The following SLC9A9 variants were observed in gnomAD, a reference collection of about 807,000 sequenced individuals.
SLC9A9 encodes the protein sodium/hydrogen exchanger 9.
Under a neutral mutation model 77.8 loss-of-function variants are expected in SLC9A9, and 62 were observed. The observed-to-expected ratio is 0.80, with a 90% confidence interval of 0.65 to 0.98. SLC9A9 has a LOEUF of 0.98. Among genes scored for constraint, SLC9A9 ranks in the 50% least tolerant of loss-of-function variants. The pLI is 0.00. For synonymous variants in SLC9A9, 320 were observed against 283.5 expected (o/e 1.13, Z -1.29); for missense variants, 775 against 774.9 (o/e 1.00, Z 0.00).
At chr3:143,803,922 C>T (rs898475102) in intron 2 of SLC9A9, among the ~76,000 whole-genome samples, 2 of 152,148 alleles carry the variant, frequency 1.3e-5, no homozygotes, top group Non-Finnish European at 2.9e-5. Flanking sequence ...CCAGCAAGAC[C>T]TCCCCAGACA....
chr3:143,379,305 GC>G (rs989938273), intron 13 of SLC9A9, among the ~76,000 whole-genome samples: 1 of 152,136 alleles, frequency 6.6e-6, no homozygotes, highest in African/African-American at 2.4e-5. Context: ...GTGTTGCCAG[GC>G]AAAATGAGAG....
chr3:143,555,326 A>G lies in SLC9A9; in HGVS notation c.1001-2876T>C, dbSNP rs544970893. ...GTCCATTAAACCTCTTTTTCTTTATAAATTATCCAGTCTTGAACATATCTT... is the reference window on the plus strand; with the variant it reads ...GTCCATTAAACCTCTTTTTCTTTATGAATTATCCAGTCTTGAACATATCTT... On this transcript the variant is annotated intron_variant, in intron 8 of 15. Transcript: ENST00000316549. 2.0e-5 allele frequency among the ~76,000 whole-genome samples: 3 copies of G among 152,312 alleles called. No homozygotes were observed. In the South Asian group the frequency reaches 6.2e-4, roughly 32 times the overall value.
At chr3:143,367,334 C>T (rs1018810120) in intron 13 of SLC9A9, among the ~76,000 whole-genome samples, 2 of 152,182 alleles carry the variant, frequency 1.3e-5, no homozygotes, top group Non-Finnish European at 2.9e-5. Context: ...TAGAATAAAA[C>T]ATCTGTGAAA....
At chr3:143,352,301 G>A (rs987424020) in intron 14 of SLC9A9, among the ~76,000 whole-genome samples, 3 of 152,166 alleles carry the variant, frequency 2.0e-5, no homozygotes, top group African/African-American at 7.2e-5. Context: ...AGTCTTTCCT[G>A]TTTGAGGTAT....
intron 8 of SLC9A9, among the ~76,000 whole-genome samples, chr3:143,562,696 C>T (rs950285263): frequency 1.3e-5 from 2 of 150,484 alleles, no homozygotes; most frequent in African/African-American, 4.9e-5. Context: ...TTTTCTTTCC[C>T]AATAAAAATA....
At chr3:143,677,788 T>A (rs955584509) in intron 5 of SLC9A9, among the ~76,000 whole-genome samples, 1 of 151,450 alleles carries the variant, frequency 6.6e-6, no homozygotes, top group Non-Finnish European at 1.5e-5. Flanking sequence ...GTGGAACAAG[T>A]GGATTTGTGT....
At chr3:143,406,927 G>A (rs2033992884) in intron 12 of SLC9A9, among the ~76,000 whole-genome samples, 1 of 148,044 alleles carries the variant, frequency 6.8e-6, no homozygotes, top group African/African-American at 2.5e-5. Flanking sequence ...AGCGAGCCAA[G>A]GTTGTGCCAC....
At chr3:143,441,762 C>G (rs1392285325) in intron 12 of SLC9A9, among the ~76,000 whole-genome samples, 2 of 152,086 alleles carry the variant, frequency 1.3e-5, no homozygotes, top group Non-Finnish European at 2.9e-5. Context: ...CCATCTCCGC[C>G]CTGTACTATC....
At chr3:143,383,589 C>T (rs1255746272) in intron 12 of SLC9A9, among the ~76,000 whole-genome samples, 1 of 152,200 alleles carries the variant, frequency 6.6e-6, no homozygotes, top group East Asian at 1.9e-4. Flanking sequence ...TGGGGATCTT[C>T]CCAGGGCCTT....
At chr3:143,593,267 C>A (rs1311862832) in intron 6 of SLC9A9, among the ~76,000 whole-genome samples, 1 of 152,160 alleles carries the variant, frequency 6.6e-6, no homozygotes, top group Non-Finnish European at 1.5e-5. Context: ...TTTCCCTCTA[C>A]TCCTTTTATA....
intron 9 of SLC9A9, among the ~76,000 whole-genome samples, chr3:143,523,699 G>T (rs1473931317): frequency 6.6e-6 from 1 of 152,084 alleles, no homozygotes; most frequent in African/African-American, 2.4e-5. Flanking sequence ...TCGATGAAGG[G>T]TAATCATTAT....
chr3:143,422,037 A>G (rs2108528142), intron 12 of SLC9A9, among the ~76,000 whole-genome samples: 1 of 152,366 alleles, frequency 6.6e-6, no homozygotes, highest in African/African-American at 2.4e-5. Flanking sequence ...ACAATATGAT[A>G]TTATCTCATG....
At chr3:143,362,753 C>T (rs1284299802) in intron 14 of SLC9A9, among the ~76,000 whole-genome samples, 1 of 152,196 alleles carries the variant, frequency 6.6e-6, no homozygotes, top group African/African-American at 2.4e-5. Flanking sequence ...TTCCTTTCTT[C>T]CTTGGAGCTT....
At chr3:143,547,625 C>T (rs2036810995) in intron 9 of SLC9A9, among the ~76,000 whole-genome samples, 1 of 152,266 alleles carries the variant, frequency 6.6e-6, no homozygotes, top group African/African-American at 2.4e-5. Flanking sequence ...ATACCAGCCA[C>T]ATTGGTTCTC....
rs149638665 is a variant in SLC9A9 at position 143,733,502 on chromosome 3, TGGACCCCAGCAAG to T, written c.534-40208_534-40196del. Among the ~76,000 whole-genome samples the T allele has an allele frequency of 7.2e-3, 1,094 of 152,146 alleles. 7 individuals carry two copies. Among genetic ancestry groups the T allele is most frequent in the African/African-American group, 0.025 (1,027 of 41,516 alleles). The stretch of plus-strand genomic sequence containing the variant: ...CAGGACTAATGAATTGTTTTCTAGG[TGGACCCCAGCAAG>T]GGAGCCCACCTCATTGAGGTCATAG... On this transcript the variant is annotated intron_variant, in intron 4 of 15. Coordinates refer to ENST00000316549, the MANE Select transcript of SLC9A9 (RefSeq NM_173653.4).
chr3:143,737,239 C>T (rs1297956981), intron 4 of SLC9A9, among the ~76,000 whole-genome samples: 1 of 152,118 alleles, frequency 6.6e-6, no homozygotes, highest in Non-Finnish European at 1.5e-5. Context: ...TCTTTTGGCT[C>T]ACTGAAAAAT....
chr3:143,472,332 C>G (rs187581587), intron 11 of SLC9A9, among the ~76,000 whole-genome samples: 1 of 152,188 alleles, frequency 6.6e-6, no homozygotes, highest in Admixed American at 6.5e-5. Flanking sequence ...TCATGAGGGC[C>G]CAAATCGTGA....
chr3:143,728,333 A>T (rs139588477), intron 4 of SLC9A9, among the ~76,000 whole-genome samples: 2 of 152,182 alleles, frequency 1.3e-5, no homozygotes, highest in East Asian at 3.8e-4. Context: ...TGAAGCTGCA[A>T]TGAGAAGGAT....
At chr3:143,357,072 C>A (rs374366487) in intron 14 of SLC9A9, among the ~76,000 whole-genome samples, 3 of 152,128 alleles carry the variant, frequency 2.0e-5, no homozygotes. Flanking sequence ...TATTTATGTG[C>A]GGATGCCATT....
Sources: gnomAD v4.1 joint callset for allele counts (sites outside exome capture counted in the v4.1 genomes callset) on GRCh38, gnomAD v4.1.1 for gene constraint, MANE v1.5 for transcripts, NCBI Gene and HGNC (gene_info 2026-07-23, HGNC 2026-07-21) for gene names.